The following RIMBP2 variants were observed in gnomAD, a reference collection of about 807,000 sequenced individuals.
RIMBP2 encodes the protein RIMS-binding protein 2.
In RIMBP2, 48 loss-of-function variants were observed where a neutral mutation model predicts 118.6. The ratio of observed to expected loss-of-function variants is 0.40; its 90% CI spans 0.32 to 0.51. RIMBP2 has a LOEUF of 0.51. RIMBP2 is among the 20% of genes least tolerant of loss of function. The pLI, the probability that RIMBP2 is intolerant of heterozygous loss-of-function variation, is 0.41. For synonymous variants in RIMBP2, 762 were observed against 742.9 expected, an observed-to-expected ratio of 1.03 and a Z score of -0.42; for missense variants, 1,551 against 1,768.3, an observed-to-expected ratio of 0.88 and a Z score of 2.20.
intron 2 of RIMBP2, among the ~76,000 whole-genome samples, chr12:130,590,793 G>A (rs1286108846): frequency 6.6e-6 from 1 of 152,152 alleles, no homozygotes; most frequent in African/African-American, 2.4e-5. Flanking sequence ...GGAAAGCCCA[G>A]GATGGCAAGG....
At chr12:130,635,226 C>T (rs58498983) in intron 1 of RIMBP2, among the ~76,000 whole-genome samples, 1 of 152,192 alleles carries the variant, frequency 6.6e-6, no homozygotes, top group Non-Finnish European at 1.5e-5. Flanking sequence ...TGTAGAAAAA[C>T]CACAAGCCAG....
chr12:130,534,848 G>A (rs1190418429), intron 2 of RIMBP2, among the ~76,000 whole-genome samples: 1 of 152,230 alleles, frequency 6.6e-6, no homozygotes, highest in Non-Finnish European at 1.5e-5. Flanking sequence ...TTGGCACAAA[G>A]AGGAGAGTGT....
Position 130,442,228 on chromosome 12 carries a change from T to C in RIMBP2, c.1124A>G (p.Asn375Ser). 1 of 1,614,204 alleles carries C rather than the reference T, an allele frequency of 6.2e-7. No homozygotes were observed. Among genetic ancestry groups the C allele is most frequent in the Non-Finnish European group, 8.5e-7 (1 of 1,180,040 alleles). Residue 375 changes from asparagine to serine, a missense_variant, in exon 11 of 23, where the codon AAC (asparagine) becomes AGC (serine). Around this residue, in one of 5 missense-constraint regions of RIMBP2, gnomAD observed 265 missense variants for 349.5 expected, o/e 0.76. Coordinates refer to ENST00000690449, the MANE Select transcript of RIMBP2 (RefSeq NM_001393629.1). This position sits in a 1 kb window ranked among gnomAD's most constrained non-coding sequence, Gnocchi z 6.9. The part of the protein sequence containing the change: ...SRTKALIEKL[N>S]MAACTYRISV... ...GATGCGGTAGGTGCAGGCTGCCATG[T>C]TGAGCTTCTCGATGAGGGCTTTAGT...
At chr12:130,491,576 C>T (rs567744120) in intron 4 of RIMBP2, among the ~76,000 whole-genome samples, 149 of 152,330 alleles carry the variant, frequency 9.8e-4, no homozygotes, top group African/African-American at 3.1e-3. Context: ...GGGGGGCAAT[C>T]GCACTTTCCT....
intron 6 of RIMBP2, among the ~76,000 whole-genome samples, chr12:130,460,358 T>TG (rs1299946931): frequency 1.3e-5 from 2 of 152,142 alleles, no homozygotes; most frequent in Non-Finnish European, 2.9e-5. Flanking sequence ...GTGGCAGTAT[T>TG]GGTATTGATG....
At chr12:130,486,685 G>A (rs1440321071) in intron 4 of RIMBP2, among the ~76,000 whole-genome samples, 4 of 147,052 alleles carry the variant, frequency 2.7e-5, no homozygotes, top group Non-Finnish European at 4.5e-5. Context: ...CCCCTTTCCC[G>A]CCTTGTTCAA....
chr12:130,649,098 C>T (rs1253825243), intron 1 of RIMBP2, among the ~76,000 whole-genome samples: 2 of 145,826 alleles, frequency 1.4e-5, no homozygotes, highest in African/African-American at 2.5e-5. Flanking sequence ...CCCTTCGTGG[C>T]GGCCGATAGG....
At chr12:130,496,748 G>A (rs986531330) in intron 4 of RIMBP2, among the ~76,000 whole-genome samples, 7 of 152,094 alleles carry the variant, frequency 4.6e-5, no homozygotes, top group African/African-American at 1.7e-4. Flanking sequence ...TCACCTGCAG[G>A]CCACCCAGAG....
intron 4 of RIMBP2, among the ~76,000 whole-genome samples, chr12:130,480,995 C>T (rs368850757): frequency 2.0e-5 from 3 of 152,176 alleles, no homozygotes; most frequent in Non-Finnish European, 2.9e-5. Context: ...AGAAGGTTAA[C>T]GTGGTTTCCT....
At chr12:130,559,043 T>C (rs2056601137) in intron 2 of RIMBP2, among the ~76,000 whole-genome samples, 1 of 152,194 alleles carries the variant, frequency 6.6e-6, no homozygotes, top group South Asian at 2.1e-4. Context: ...TTAGATTTTA[T>C]TTTTAATAGA....
At chr12:130,551,537 C>T (rs958178714) in intron 2 of RIMBP2, among the ~76,000 whole-genome samples, 1 of 138,794 alleles carries the variant, frequency 7.2e-6, no homozygotes, top group African/African-American at 2.5e-5. Flanking sequence ...TTCTTCTTTG[C>T]CTGTTCTTAG....
chr12:130,416,775 AC>A (rs1452242685), intron 17 of RIMBP2, among the ~76,000 whole-genome samples: 1 of 152,196 alleles, frequency 6.6e-6, no homozygotes, highest in Non-Finnish European at 1.5e-5. Context: ...AACAGAGTGA[AC>A]AACACCCTAC....
chr12:130,646,322 T>TCCACCTGCCTCACCACCTCCCTCA (rs2062947096), intron 1 of RIMBP2, among the ~76,000 whole-genome samples: 1 of 5,240 alleles, frequency 1.9e-4, no homozygotes, highest in African/African-American at 6.0e-4. Context: ...CACTTCCCTC[T>TCCACCTGCCTCACCACCTCCCTCA]CCACCTGCCT....
chr12:130,546,647 A>C (rs1017140596), intron 2 of RIMBP2, among the ~76,000 whole-genome samples: 9 of 151,958 alleles, frequency 5.9e-5, no homozygotes, highest in Non-Finnish European at 1.0e-4. Context: ...TGATATTGTT[A>C]TTTTCCAGAG....
At chr12:130,666,315 GC>G (rs1377930864) in intron 1 of RIMBP2, among the ~76,000 whole-genome samples, 1 of 152,110 alleles carries the variant, frequency 6.6e-6, no homozygotes, top group African/African-American at 2.4e-5. Flanking sequence ...CTTCTAAGGG[GC>G]TTGGCACAGG....
chr12:130,598,343 A>G (rs1357740850), intron 2 of RIMBP2, among the ~76,000 whole-genome samples: 1 of 151,608 alleles, frequency 6.6e-6, no homozygotes, highest in Non-Finnish European at 1.5e-5. Context: ...GACCCTGTCA[A>G]AATCCAATTA....
intron 7 of RIMBP2, among the ~76,000 whole-genome samples, chr12:130,454,215 T>C (rs924717175): frequency 2.6e-5 from 4 of 152,244 alleles, no homozygotes; most frequent in African/African-American, 9.6e-5. Context: ...TATTTCACAA[T>C]TGATTTATGT....
intron 1 of RIMBP2, among the ~76,000 whole-genome samples, chr12:130,715,843 C>T (rs1245968461): frequency 6.6e-6 from 1 of 151,760 alleles, no homozygotes; most frequent in Non-Finnish European, 1.5e-5. Flanking sequence ...CCCAGGCGAG[C>T]GGGGCCGTGT....
At chr12:130,693,819 C>G (rs2065447695) in intron 1 of RIMBP2, among the ~76,000 whole-genome samples, 1 of 152,218 alleles carries the variant, frequency 6.6e-6, no homozygotes, top group Non-Finnish European at 1.5e-5. Context: ...CTGTCACTTA[C>G]TTTCTCTTGC....
Sources: allele counts gnomAD v4.1 joint callset (sites outside exome capture counted in the v4.1 genomes callset), GRCh38; gene constraint gnomAD v4.1.1; regional missense constraint gnomAD v4.1.1; non-coding constraint Gnocchi (gnomAD v3.1); transcripts MANE v1.5; gene names NCBI Gene and HGNC (gene_info 2026-07-23, HGNC 2026-07-21).